ZMIZ1: variants seen among roughly 807,000 people sequenced by gnomAD.
The protein encoded by ZMIZ1 is zinc finger MIZ-type containing 1, also known as zinc finger MIZ domain-containing protein 1.
Under a neutral mutation model 113.9 loss-of-function variants are expected in ZMIZ1, and 17 were observed. That is an observed-to-expected ratio of 0.15 (90% CI 0.10 to 0.22). The LOEUF is 0.22. Ranked by LOEUF, ZMIZ1 falls within the 10% of genes least tolerant of loss-of-function variation. The pLI, the probability that ZMIZ1 is intolerant of heterozygous loss-of-function variation, is 1.00. For synonymous variants in ZMIZ1, 607 were observed against 603.1 expected (o/e 1.01, Z -0.09); for missense variants, 1,059 against 1,477.8 (o/e 0.72, Z 4.65).
chr10:79,166,026 G>A (rs1292490140), intron 4 of ZMIZ1, among the ~76,000 whole-genome samples: 1 of 151,228 alleles, frequency 6.6e-6, no homozygotes, highest in South Asian at 2.1e-4. Context: ...GGGTGGGGCA[G>A]TGGGTCCATC....
intron 1 of ZMIZ1, among the ~76,000 whole-genome samples, chr10:79,100,481 G>T (rs1049974787): frequency 4.0e-5 from 6 of 151,888 alleles, no homozygotes; most frequent in African/African-American, 2.4e-5. Flanking sequence ...TATCAGGCCT[G>T]GGTGGGTGGG....
At chr10:79,260,038 C>T (rs984729605) in intron 7 of ZMIZ1, among the ~76,000 whole-genome samples, 3 of 152,212 alleles carry the variant, frequency 2.0e-5, no homozygotes, top group East Asian at 1.9e-4. Context: ...GAGCTCTGAG[C>T]GTCTGCTGTG....
chr10:79,119,962 G>T (rs1844216305), intron 2 of ZMIZ1, among the ~76,000 whole-genome samples: 2 of 121,010 alleles, frequency 1.7e-5, no homozygotes, highest in African/African-American at 5.9e-5. Flanking sequence ...AAAGGGGCCT[G>T]TCCCACTCTC....
At chr10:79,212,041 TC>T (rs780757904) in intron 6 of ZMIZ1, among the ~76,000 whole-genome samples, 5 of 152,158 alleles carry the variant, frequency 3.3e-5, no homozygotes, top group Non-Finnish European at 5.9e-5. Flanking sequence ...CAGCCTGTCC[TC>T]CTGTTTTGTG....
At chr10:79,299,504 G>A (rs960862972) in intron 16 of ZMIZ1, among the ~76,000 whole-genome samples, 1 of 152,246 alleles carries the variant, frequency 6.6e-6, no homozygotes, top group Admixed American at 6.5e-5. Context: ...GCTGACAAGA[G>A]GGAACGCAGT....
intron 2 of ZMIZ1, among the ~76,000 whole-genome samples, chr10:79,122,456 G>A (rs1844337310): frequency 6.6e-6 from 1 of 152,262 alleles, no homozygotes; most frequent in Non-Finnish European, 1.5e-5. Flanking sequence ...TGGCTGGGCA[G>A]TGGAGGGTAT....
intron 1 of ZMIZ1, among the ~76,000 whole-genome samples, chr10:79,070,046 C>A (rs919980788): frequency 2.6e-5 from 4 of 151,804 alleles, no homozygotes; most frequent in African/African-American, 9.7e-5. Flanking sequence ...AAGTAATTTC[C>A]CCGTGTTCTT....
chr10:79,260,684 A>C (rs2131900561), intron 7 of ZMIZ1, among the ~76,000 whole-genome samples: 1 of 152,352 alleles, frequency 6.6e-6, no homozygotes, highest in South Asian at 2.1e-4. Flanking sequence ...AAAGTGAAGA[A>C]ATGGAACGGT....
intron 5 of ZMIZ1, among the ~76,000 whole-genome samples, chr10:79,204,611 G>A (rs1290115268): frequency 6.6e-6 from 1 of 152,158 alleles, no homozygotes; most frequent in Non-Finnish European, 1.5e-5. Context: ...AGCTCCTTGG[G>A]GGCAAAGGAC....
chr10:79,178,866 A>G (rs984209666), intron 4 of ZMIZ1, among the ~76,000 whole-genome samples: 1 of 152,104 alleles, frequency 6.6e-6, no homozygotes, highest in African/African-American at 2.4e-5. Context: ...TGTGGTGGCA[A>G]CCATGGGCCG....
In ZMIZ1 at chr10:79,298,469, C is replaced by G. The variant is rs749077038; in HGVS notation, c.1555C>G (p.Pro519Ala). 2.5e-6 allele frequency: 4 copies of G among 1,608,014 alleles called. No individual in the cohort carries two copies. Among genetic ancestry groups the G allele is most frequent in the East Asian group, 2.3e-5 (1 of 44,180 alleles). Residue 519 changes from proline to alanine, a missense_variant, in exon 15 of 25, where the codon CCC becomes GCC. Physicochemically the swap from Pro to Ala is conservative, Grantham distance 27. Around this residue, in one of 6 missense-constraint regions of ZMIZ1, gnomAD observed 239 missense variants for 247.5 expected, o/e 0.97. Transcript: ENST00000334512. ...ACCTGTTCCAGGGAACCCCACACCC[C>G]CCATGACCCCTGGGAGCAGCATCCC... Reference protein sequence around the residue: ...HSPVPGNPTPPMTPGSSIPPY... With the variant: ...HSPVPGNPTPAMTPGSSIPPY...
At chr10:79,310,713 G>A (rs1855084046) in intron 23 of ZMIZ1, among the ~76,000 whole-genome samples, 2 of 152,138 alleles carry the variant, frequency 1.3e-5, no homozygotes, top group Non-Finnish European at 1.5e-5. Flanking sequence ...AGAGGTCCCC[G>A]CCGTCCCCCT....
chr10:79,186,284 G>A (rs1847349641), intron 4 of ZMIZ1, among the ~76,000 whole-genome samples: 1 of 152,204 alleles, frequency 6.6e-6, no homozygotes, highest in Non-Finnish European at 1.5e-5. Context: ...TTACCTCGAA[G>A]TGACTCTCTG....
intron 7 of ZMIZ1, among the ~76,000 whole-genome samples, chr10:79,235,375 G>T (rs562698966): frequency 6.6e-6 from 1 of 152,164 alleles, no homozygotes; most frequent in Non-Finnish European, 1.5e-5. Context: ...CTAAAACCGC[G>T]CAATTGCTGC....
At chr10:79,109,946 A>C (rs948063406) in intron 1 of ZMIZ1, among the ~76,000 whole-genome samples, 9 of 152,236 alleles carry the variant, frequency 5.9e-5, no homozygotes, top group Admixed American at 4.6e-4. Context: ...CAGTGGTCTC[A>C]TGGAGTGTTT....
At chr10:79,262,410 A>T (rs1388409694) in intron 7 of ZMIZ1, among the ~76,000 whole-genome samples, 1 of 152,272 alleles carries the variant, frequency 6.6e-6, no homozygotes, top group Non-Finnish European at 1.5e-5. Context: ...TCCAGGCTGC[A>T]GTGAATCATT....
intron 1 of ZMIZ1, among the ~76,000 whole-genome samples, chr10:79,098,254 C>T (rs966060974): frequency 6.6e-6 from 1 of 152,144 alleles, no homozygotes; most frequent in Non-Finnish European, 1.5e-5. Flanking sequence ...GGAGTTTATG[C>T]GGGAGTGAGG....
intron 8 of ZMIZ1, among the ~76,000 whole-genome samples, chr10:79,277,530 G>A (rs1472725061): frequency 6.6e-6 from 1 of 152,194 alleles, no homozygotes; most frequent in African/African-American, 2.4e-5. Context: ...TTGTCACTTT[G>A]GTGGAGGCTG....
chr10:79,182,538 C>T (rs1847164024), intron 4 of ZMIZ1, among the ~76,000 whole-genome samples: 3 of 152,210 alleles, frequency 2.0e-5, no homozygotes, highest in East Asian at 1.9e-4. Flanking sequence ...CAGGGGTCCA[C>T]AACTATGAAT....
Sources: gnomAD v4.1 joint callset for allele counts (sites outside exome capture counted in the v4.1 genomes callset) on GRCh38, gnomAD v4.1.1 for gene constraint, gnomAD v4.1.1 regional missense constraint, MANE v1.5 for transcripts, NCBI Gene and HGNC (gene_info 2026-07-23, HGNC 2026-07-21) for gene names.